Variants in PLD4 observed in about 807,000 individuals in gnomAD.
The protein encoded by PLD4 is 5'-3' exonuclease PLD4.
In PLD4, 54 loss-of-function variants were observed where a neutral mutation model predicts 52.3. The observed-to-expected ratio is 1.03, with a 90% CI of 0.83 to 1.30. PLD4 has a LOEUF of 1.30. Ranked by LOEUF, PLD4 falls within the 50% of genes most tolerant of loss-of-function variation. PLD4 has a pLI of 0.00. For missense variants in PLD4, 731 were observed against 671.1 expected, an observed-to-expected ratio of 1.09 and a Z score of -0.99; for synonymous variants, 264 against 286.5, an observed-to-expected ratio of 0.92 and a Z score of 0.79.
intron 6 of PLD4, 150 bp from the exon 7 acceptor site, chr14:104,930,592 A>G: frequency 1.3e-6 from 1 of 771,432 alleles, no homozygotes; most frequent in Non-Finnish European, 2.1e-6. Context: ...AGCACACTCT[A>G]TTACAGATTC....
In PLD4 at chr14:104,932,489, A is replaced by T. The variant is rs1897689751; in HGVS notation, c.1321+134A>T. On this transcript the variant is annotated intron_variant, in intron 10 of 10. Transcript: ENST00000392593. This position sits in a 1 kb window ranked among gnomAD's most constrained non-coding sequence, Gnocchi z 6.5. Reference sequence around the variant, plus strand: ...CTGAAGGGGGACGGGGTCTCCATGGAGTTCCGGGGACCAGGCCACCCGCCT... The same window carrying T: ...CTGAAGGGGGACGGGGTCTCCATGGTGTTCCGGGGACCAGGCCACCCGCCT... 8 of 1,046,544 alleles carry T rather than the reference A, an allele frequency of 7.6e-6. No individual in the cohort carries two copies. Among genetic ancestry groups the T allele is most frequent in the Non-Finnish European group, 1.1e-5 (8 of 724,924 alleles). 64.8% of individuals were successfully genotyped at this position (1,046,544 alleles called of 1,614,324 possible). A position where few individuals can be genotyped will look rare whatever the true frequency, so the allele number is the denominator to read the frequency against.
chr14:104,928,690 T>G, intron 3 of PLD4, 59 bp from the exon 4 acceptor site: 2 of 1,477,752 alleles, frequency 1.4e-6, no homozygotes, highest in Non-Finnish European at 9.1e-7. Flanking sequence ...GGGCAGGTGA[T>G]GTGAGGTGGG....
chr14:104,927,566 C>CT, intron 2 of PLD4, 107 bp from the exon 3 acceptor site: 2 of 1,277,056 alleles, frequency 1.6e-6, no homozygotes, highest in Non-Finnish European at 2.1e-6. Flanking sequence ...AGCCCAGGTC[C>CT]GGGAAGTCAA....
At chr14:104,937,287 G>A (rs1897834460), downstream of PLD4, 1 of 152,248 alleles carries the variant, frequency 6.6e-6, no homozygotes, top group Non-Finnish European at 1.5e-5. Context: ...CCCATCCAGG[G>A]AACAGCCAAG....
At chr14:104,930,987 C>A in intron 7 of PLD4, 45 bp downstream of exon 7, 1 of 1,595,414 alleles carries the variant, frequency 6.3e-7, no homozygotes, top group Non-Finnish European at 8.6e-7. Context: ...CCTGTTCTCC[C>A]CTGGCTGGCC....
chr14:104,930,049 G>A lies in PLD4; in HGVS notation c.661G>A (p.Asp221Asn), dbSNP rs1166998502. Residue 221 changes from aspartate to asparagine, a missense_variant, in exon 6 of 11, where the codon GAT becomes AAT. Physicochemically the swap from Asp to Asn is conservative, Grantham distance 23. Coordinates refer to ENST00000392593, the MANE Select transcript of PLD4 (RefSeq NM_138790.5). ...TTTGCACTCCAAATTCTGGGTTGTG[G>A]ATGGACGGCACATATACATGGGCAG... ...GVLHSKFWVV[D>N]GRHIYMGSAN... 5 of 1,613,560 alleles carry A rather than the reference G, an allele frequency of 3.1e-6. No individual in the cohort carries two copies. Among genetic ancestry groups the A allele is most frequent in the African/African-American group, 1.3e-5 (1 of 74,928 alleles).
In PLD4 at chr14:104,927,804, T is replaced by C. The variant is rs1056327896; in HGVS notation, c.222T>C (p.His74=). 1.9e-6 allele frequency: 3 copies of C among 1,596,420 alleles called. No individual in the cohort carries two copies. In the African/African-American group the frequency reaches 4.0e-5, roughly 21 times the overall value. The change falls in exon 3 of 11, where the codon CAT becomes CAC. Residue 74 remains histidine, a synonymous_variant. Transcript: ENST00000392593. ...QPKDVPRSWE[H]GSSPAWEPLE... is the part of the protein sequence containing the mutation. ...AGGACGTGCCCAGGTCCTGGGAGCA[T>C]GGCTCCAGCCCAGCTTGGGAGCCCC... is the stretch of plus-strand genomic sequence containing the variant.
At chr14:104,925,515 G>A (rs1378918502) in intron 1 of PLD4, among the ~76,000 whole-genome samples, 1 of 152,148 alleles carries the variant, frequency 6.6e-6, no homozygotes, top group Non-Finnish European at 1.5e-5. Context: ...CCGTCTGCCT[G>A]GAGCATTTAA....
chr14:104,928,628 C>T (rs889224288), intron 3 of PLD4, 121 bp from the exon 4 acceptor site: 56 of 1,053,510 alleles, frequency 5.3e-5, no homozygotes, highest in Non-Finnish European at 7.3e-5. Flanking sequence ...TTGGCCTGGG[C>T]TCATCCCGGG....
intron 2 of PLD4, 136 bp downstream of exon 2, chr14:104,927,366 G>A: frequency 1.2e-6 from 1 of 815,906 alleles, no homozygotes; most frequent in Non-Finnish European, 1.9e-6. Flanking sequence ...GGCAAGGGAA[G>A]CCTCCCTGGG....
intron 3 of PLD4, 73 bp from the exon 4 acceptor site, chr14:104,928,676 G>A: frequency 7.0e-7 from 1 of 1,436,626 alleles, no homozygotes; most frequent in Non-Finnish European, 9.4e-7. Flanking sequence ...TTGGCAGTGG[G>A]ATGGGGCAGG....
rs1897685679 is a variant in PLD4 at position 104,932,390 on chromosome 14, G to GGGCCAGGCAC, written c.1321+37_1321+38insCCAGGCACGG. 6.2e-7 allele frequency: 1 copy of GGGCCAGGCAC among 1,600,200 alleles called. No homozygotes were observed. The stretch of plus-strand genomic sequence containing the variant: ...ATCAGATCACGGCGGGCGGGCCCCA[G>GGGCCAGGCAC]GGTGGCCAGGCACGGGCGAGGGAGG... On this transcript the variant is annotated intron_variant, in intron 10 of 10. Transcript: ENST00000392593. This position sits in a 1 kb window ranked among gnomAD's most constrained non-coding sequence, Gnocchi z 6.5.
Position 104,931,851 on chromosome 14 carries a change from A to G in PLD4, c.1022A>G (p.Glu341Gly), listed in dbSNP as rs1354513105. 1.3e-6 allele frequency: 2 copies of G among 1,558,098 alleles called. No individual in the cohort carries two copies. ...AQEFIYASVMEYFPTTRFSHP... is the reference protein window; with the variant it reads ...AQEFIYASVMGYFPTTRFSHP... ...GAGTTCATCTATGCCTCCGTGATGG[A>G]GTATTTCCCCACCACGCGCTTCAGC... is the stretch of plus-strand genomic sequence containing the variant. The change falls in exon 8 of 11, where the codon GAG becomes GGG. Residue 341 changes from glutamate to glycine, a missense_variant. Physicochemically the swap from Glu to Gly is moderately conservative, Grantham distance 98. Transcript: ENST00000392593.
In PLD4 at chr14:104,927,692, T is replaced by A; in HGVS notation, c.110T>A (p.Leu37Gln). 2 of 1,598,284 alleles carry A rather than the reference T, an allele frequency of 1.3e-6. No individual in the cohort carries two copies. The highest frequency in any genetic ancestry group is 4.5e-5 in the East Asian group (2 of 44,548). ...ATCCAGTTGCAGGTCCTGGGAGCGCTGGCTGTGCTGTGGCTGGGCTCCGTG... is the reference window on the plus strand; with the variant it reads ...ATCCAGTTGCAGGTCCTGGGAGCGCAGGCTGTGCTGTGGCTGGGCTCCGTG... ...EAGTLQVLGA[L>Q]AVLWLGSVAL... The change falls in exon 3 of 11, where the codon CTG becomes CAG. Residue 37 changes from leucine to glutamine, a missense_variant. Leu to Gln is a moderately radical substitution (Grantham distance 113). Coordinates refer to ENST00000392593, the MANE Select transcript of PLD4 (RefSeq NM_138790.5).
At position 104,932,702 on chromosome 14, in the gene PLD4, G is replaced by A; in HGVS notation, c.1322-63G>A. On this transcript the variant is annotated intron_variant, in intron 10 of 10. Transcript: ENST00000392593. This position sits in a 1 kb window ranked among gnomAD's most constrained non-coding sequence, Gnocchi z 6.5. ...CAAACCCGTAGCCGGGCCTGGCGCT[G>A]AGCGGGCTGCAGAGGGGCCTGTGGG... 3 of 1,433,032 alleles carry A rather than the reference G, an allele frequency of 2.1e-6. No homozygotes were observed. The highest frequency in any genetic ancestry group is 2.8e-6 in the Non-Finnish European group (3 of 1,076,806). 88.8% of individuals were successfully genotyped at this position (1,433,032 alleles called of 1,614,324 possible). A position where few individuals can be genotyped will look rare whatever the true frequency, so the allele number is the denominator to read the frequency against.
At chr14:104,928,620 G>A in intron 3 of PLD4, 129 bp from the exon 4 acceptor site, 1 of 928,396 alleles carries the variant, frequency 1.1e-6, no homozygotes, top group Non-Finnish European at 1.6e-6. Flanking sequence ...CTGCACACTT[G>A]GCCTGGGCTC....
At chr14:104,936,476 A>G (rs1167817697), downstream of PLD4, 1 of 152,476 alleles carries the variant, frequency 6.6e-6, no homozygotes, top group African/African-American at 2.4e-5. Flanking sequence ...CACAGGGAAC[A>G]TATGCCCATG....
At chr14:104,925,316 C>G (rs1897419197) in intron 1 of PLD4, among the ~76,000 whole-genome samples, 1 of 152,216 alleles carries the variant, frequency 6.6e-6, no homozygotes, top group Non-Finnish European at 1.5e-5. Flanking sequence ...ACCATGGGAC[C>G]AGGGGGCTAC....
intron 5 of PLD4, 24 bp downstream of exon 5, chr14:104,929,451 C>A: frequency 6.5e-7 from 1 of 1,533,446 alleles, no homozygotes; most frequent in South Asian, 1.2e-5. Flanking sequence ...CCATGCTGGG[C>A]ACCACTGCCC....
Sources: gnomAD v4.1 joint callset for allele counts (sites outside exome capture counted in the v4.1 genomes callset) on GRCh38, gnomAD v4.1.1 for gene constraint, Gnocchi (gnomAD v3.1) non-coding constraint, MANE v1.5 for transcripts, NCBI Gene and HGNC (gene_info 2026-07-23, HGNC 2026-07-21) for gene names.